Variants in PLA2G2A observed in about 807,000 individuals in gnomAD.
PLA2G2A encodes the protein phospholipase A2 group IIA.
In PLA2G2A, 6 loss-of-function variants were observed where a neutral mutation model predicts 11.2. That is an observed-to-expected ratio of 0.54 (90% CI 0.29 to 1.06). The LOEUF is 1.06. Ranked by LOEUF, PLA2G2A falls within the 50% of genes least tolerant of loss-of-function variation. The pLI, the probability that PLA2G2A is intolerant of heterozygous loss-of-function variation, is 0.08. For synonymous variants in PLA2G2A, 69 were observed against 65.8 expected, an observed-to-expected ratio of 1.05 and a Z score of -0.23; for missense variants, 133 against 177.1, an observed-to-expected ratio of 0.75 and a Z score of 1.41.
chr1:19,976,570 G>A (rs1213495354), intron 4 of PLA2G2A, among the ~76,000 whole-genome samples: 3 of 152,136 alleles, frequency 2.0e-5, no homozygotes, highest in African/African-American at 7.2e-5. Flanking sequence ...GTGACCTAAC[G>A]CCTGCTGAAG....
rs377294515 is a variant in PLA2G2A at position 19,978,573 on chromosome 1, G to A, written c.41-49C>T. On this transcript the variant is annotated intron_variant, in intron 2 of 4. Coordinates refer to ENST00000482011, the Ensembl canonical transcript of PLA2G2A. ...CTGGTGATGGGGCATGGGGTTCTGC[G>A]CCCTCCCTCTCTGCCCCTCTCTGCT... 2.8e-4 allele frequency: 445 copies of A among 1,609,322 alleles called. 2 individuals are homozygous for A. The highest frequency in any genetic ancestry group is 7.6e-5 in the Non-Finnish European group (89 of 1,177,314).
exon 2 of PLA2G2A, chr1:19,978,793 C>T: frequency 6.2e-7 from 1 of 1,613,872 alleles, no homozygotes; most frequent in Non-Finnish European, 8.5e-7. Flanking sequence ...TCTTGGGTGA[C>T]AAATGCAGAT....
At chr1:19,977,169 T>G (rs1241315413) in intron 4 of PLA2G2A, among the ~76,000 whole-genome samples, 1 of 152,142 alleles carries the variant, frequency 6.6e-6, no homozygotes, top group Non-Finnish European at 1.5e-5. Flanking sequence ...CCTCCCTGGG[T>G]GCTGGAGGCC....
intron 1 of PLA2G2A, 94 bp from the exon 2 acceptor site, chr1:19,978,973 GCACACACA>G (rs3061293): frequency 3.3e-3 from 1,894 of 567,946 alleles, no homozygotes; most frequent in Non-Finnish European, 3.9e-3. Flanking sequence ...CTCCAGCAAT[GCACACACA>G]CACACACACA....
chr1:19,979,537 G>T (rs2046273355), intron 1 of PLA2G2A, 43 bp downstream of exon 1: 1 of 152,882 alleles, frequency 6.5e-6, no homozygotes, highest in African/African-American at 2.4e-5. Context: ...GAATGAGCAG[G>T]AATTCTGCTC....
rs796484777 is a variant in PLA2G2A, at chr1:19,978,990, C to CACACAG, written c.-106-112_-106-111insCTGTGT. The CACACAG allele has an allele frequency of 7.9e-4, 497 of 628,668 alleles. 3 individuals carry two copies. Among genetic ancestry groups the CACACAG allele is most frequent in the African/African-American group, 7.9e-3 (434 of 55,152 alleles). 38.9% of individuals were successfully genotyped at this position (628,668 alleles called of 1,614,324 possible). ...CCAGCAATGCACACACACACACACACACACACACACAACCACCTCCTGACC... is the reference window on the plus strand; with the variant it reads ...CCAGCAATGCACACACACACACACACACACAGACACACACACAACCACCTCCTGACC... On this transcript the variant is annotated intron_variant, in intron 1 of 4. Coordinates refer to ENST00000482011, the Ensembl canonical transcript of PLA2G2A.
chr1:19,976,102 C>G (rs1460318467), intron 4 of PLA2G2A, among the ~76,000 whole-genome samples: 1 of 152,218 alleles, frequency 6.6e-6, no homozygotes, highest in East Asian at 1.9e-4. Context: ...ATCTCTTCCT[C>G]TTGCTAACAG....
At chr1:19,977,508 A>G (rs1015301171) in intron 4 of PLA2G2A, among the ~76,000 whole-genome samples, 7 of 152,170 alleles carry the variant, frequency 4.6e-5, no homozygotes, top group Non-Finnish European at 1.0e-4. Flanking sequence ...TAAAATGCAA[A>G]TCTGACCCTG....
exon 3 of PLA2G2A, chr1:19,978,450 G>A: frequency 6.2e-7 from 1 of 1,613,914 alleles, no homozygotes; most frequent in Non-Finnish European, 8.5e-7. Flanking sequence ...CCATAACTGA[G>A]TGCGGCTTCC....
At chr1:19,976,594 T>A (rs1180655773) in intron 4 of PLA2G2A, among the ~76,000 whole-genome samples, 1 of 152,216 alleles carries the variant, frequency 6.6e-6, no homozygotes, top group Non-Finnish European at 1.5e-5. Context: ...CATGCCTCTA[T>A]GGAGAGGCCA....
intron 2 of PLA2G2A, 86 bp downstream of exon 2, chr1:19,978,647 AC>A: frequency 6.3e-7 from 1 of 1,593,406 alleles, no homozygotes; most frequent in Non-Finnish European, 8.6e-7. Context: ...AGAGAGGATC[AC>A]TGCAATGGGA....
chr1:19,977,152 C>A (rs915118160), intron 4 of PLA2G2A, among the ~76,000 whole-genome samples: 15 of 152,182 alleles, frequency 9.9e-5, no homozygotes, highest in African/African-American at 3.6e-4. Flanking sequence ...CAGCTGCCTG[C>A]TGGACCCCTC....
Position 19,978,135 on chromosome 1 carries a change from C to T in PLA2G2A, c.186-14G>A, listed in dbSNP as rs2046247049. 6.3e-7 allele frequency: 1 copy of T among 1,582,440 alleles called. No homozygotes were observed. The highest frequency in any genetic ancestry group is 1.3e-5 in the African/African-American group (1 of 74,290). On this transcript the variant is annotated splice_polypyrimidine_tract_variant and intron_variant, in intron 3 of 4. Coordinates refer to ENST00000482011, the Ensembl canonical transcript of PLA2G2A. ...GTGACACAGCAGCTGTGAGGAGACA[C>T]CCTGTTGGGGCTCTTGTCCCACAGC...
intron 2 of PLA2G2A, 29 bp downstream of exon 2, chr1:19,978,705 C>T (rs770218252): frequency 6.2e-7 from 1 of 1,613,116 alleles, no homozygotes; most frequent in Non-Finnish European, 8.5e-7. Flanking sequence ...GCTGTCCCCC[C>T]ATGCTCAGAG....
At chr1:19,979,291 G>A (rs1219008939) in intron 1 of PLA2G2A, among the ~76,000 whole-genome samples, 1 of 152,100 alleles carries the variant, frequency 6.6e-6, no homozygotes, top group Non-Finnish European at 1.5e-5. Flanking sequence ...CAGAATGAAA[G>A]CATCAACCTC....
intron 3 of PLA2G2A, 96 bp downstream of exon 3, chr1:19,978,284 G>C (rs1317962439): frequency 1.8e-5 from 26 of 1,478,020 alleles, no homozygotes; most frequent in Non-Finnish European, 2.3e-5. Flanking sequence ...GCCATCCTGA[G>C]ACCTCTGCGC....
intron 1 of PLA2G2A, 82 bp from the exon 2 acceptor site, chr1:19,978,961 C>A (rs1031901522): frequency 8.4e-6 from 5 of 593,948 alleles, no homozygotes; most frequent in African/African-American, 6.4e-5. Flanking sequence ...ACAAGGAGTG[C>A]CCTCCAGCAA....
At chr1:19,978,296 C>T (rs754756320) in intron 3 of PLA2G2A, 84 bp downstream of exon 3, 13 of 1,518,310 alleles carry the variant, frequency 8.6e-6, no homozygotes, top group Middle Eastern at 2.3e-4. Flanking sequence ...CCTCTGCGCC[C>T]ATCAGGAACC....
At chr1:19,978,076 A>C in exon 4 of PLA2G2A, 1 of 1,614,108 alleles carries the variant, frequency 6.2e-7, no homozygotes, top group Non-Finnish European at 8.5e-7. Flanking sequence ...TGCCACATCC[A>C]CGTTTCTCCA....
Sources: gnomAD v4.1 joint callset for allele counts (sites outside exome capture counted in the v4.1 genomes callset) on GRCh38, gnomAD v4.1.1 for gene constraint, MANE v1.5 for transcripts, NCBI Gene and HGNC (gene_info 2026-07-23, HGNC 2026-07-21) for gene names.